The following UFL1 variants were observed in gnomAD, a reference collection of about 807,000 sequenced individuals.
UFL1 encodes E3 UFM1-protein ligase 1.
Under a neutral mutation model 99.3 loss-of-function variants are expected in UFL1, and 78 were observed. That is an observed-to-expected ratio of 0.79 (90% CI 0.65 to 0.95). UFL1 has a LOEUF of 0.95. Among genes scored for constraint, UFL1 ranks in the 40% least tolerant of loss-of-function variants. UFL1 has a pLI of 0.00. For synonymous variants in UFL1, 335 were observed against 322.2 expected (o/e 1.04, Z -0.42); for missense variants, 936 against 937.0 (o/e 1.00, Z 0.01).
chr6:96,552,052 GC>G, intron 17 of UFL1, 129 bp downstream of exon 17: 1 of 589,782 alleles, frequency 1.7e-6, no homozygotes, highest in Non-Finnish European at 3.0e-6. Context: ...TATCTAAATG[GC>G]TGTAGACCTT....
In UFL1 at chr6:96,551,939, TC is replaced by T; in HGVS notation, c.1985+17del. 1 of 1,550,974 alleles carries T rather than the reference TC, an allele frequency of 6.4e-7. No individual in the cohort carries two copies. The highest frequency in any genetic ancestry group is 8.8e-7 in the Non-Finnish European group (1 of 1,130,514). ...AAAGGGAAAGGTAACATTAAATTAA[TC>T]TATATTTGGAAATGTTCTTAAATGT... On this transcript the variant is annotated intron_variant, in intron 17 of 18. Coordinates refer to ENST00000369278, the MANE Select transcript of UFL1 (RefSeq NM_015323.5).
rs1770051794 is a variant in UFL1 at position 96,549,766 on chromosome 6, G to C, written c.1785G>C (p.Met595Ile). ...ACTTCTTAGCTTCGGATTTAATGAT[G>C]GCAGTAGACGATCCTGCAGCCATTA... Reference protein sequence around the residue: ...IFNFLASDLMMAVDDPAAITS... With the variant: ...IFNFLASDLMIAVDDPAAITS... Residue 595 changes from methionine (M) to isoleucine (I), a missense_variant, in exon 15 of 19, where the codon ATG (methionine) becomes ATC (isoleucine). Transcript: ENST00000369278. The C allele has an allele frequency of 1.9e-6, 3 of 1,611,932 alleles. No homozygotes were observed. In the African/African-American group the frequency reaches 4.0e-5, roughly 22 times the overall value.
At chr6:96,544,362 C>T (rs1769972175) in intron 12 of UFL1, among the ~76,000 whole-genome samples, 2 of 150,250 alleles carry the variant, frequency 1.3e-5, no homozygotes, top group African/African-American at 2.4e-5. Flanking sequence ...CTTAATGAAA[C>T]CATGATACTG....
chr6:96,528,454 G>A, intron 5 of UFL1, 48 bp from the exon 6 acceptor site: 1 of 1,593,778 alleles, frequency 6.3e-7, no homozygotes, highest in South Asian at 1.1e-5. Flanking sequence ...ATGCATATGT[G>A]TAATTCTTTT....
chr6:96,534,413 T>A, intron 7 of UFL1, 92 bp downstream of exon 7: 1 of 997,654 alleles, frequency 1.0e-6, no homozygotes, highest in Non-Finnish European at 1.4e-6. Context: ...TCCTCTTTTA[T>A]TGTTAATGTA....
chr6:96,541,448 T>G (rs930817990), intron 11 of UFL1, among the ~76,000 whole-genome samples: 14 of 151,400 alleles, frequency 9.2e-5, no homozygotes, highest in Admixed American at 6.6e-4. Flanking sequence ...GTAGGAACAG[T>G]GCTGTTAGTG....
At chr6:96,531,743 T>A (rs907543425) in intron 6 of UFL1, among the ~76,000 whole-genome samples, 4 of 152,258 alleles carry the variant, frequency 2.6e-5, no homozygotes, top group African/African-American at 9.6e-5. Context: ...TTTCTTTGAC[T>A]AATTATTGTG....
chr6:96,540,260 T>C (rs1339447734), intron 10 of UFL1, among the ~76,000 whole-genome samples: 2 of 151,528 alleles, frequency 1.3e-5, no homozygotes, highest in African/African-American at 4.8e-5. Flanking sequence ...CTGGAGAGGA[T>C]TGCATCTGAT....
intron 1 of UFL1, among the ~76,000 whole-genome samples, chr6:96,522,166 C>A (rs1769623824): frequency 1.3e-5 from 2 of 152,196 alleles, no homozygotes. Flanking sequence ...GCCCCCCAGC[C>A]CAGCTGCAGC....
At chr6:96,538,552 A>C in intron 9 of UFL1, 79 bp from the exon 10 acceptor site, 1 of 1,314,642 alleles carries the variant, frequency 7.6e-7, no homozygotes, top group Non-Finnish European at 1.0e-6. Context: ...ATCTAGAGAG[A>C]GCATATATGT....
At chr6:96,540,511 C>A in intron 10 of UFL1, 24 bp from the exon 11 acceptor site, 1 of 1,581,336 alleles carries the variant, frequency 6.3e-7, no homozygotes, top group South Asian at 1.2e-5. Context: ...TTTTTCCTAC[C>A]AAAAAAAGCA....
At chr6:96,545,465 AT>A (rs528757252) in intron 12 of UFL1, among the ~76,000 whole-genome samples, 28 of 150,178 alleles carry the variant, frequency 1.9e-4, no homozygotes, top group South Asian at 8.3e-4. Flanking sequence ...GAATTCTGAG[AT>A]TTTTTTTTAA....
intron 6 of UFL1, among the ~76,000 whole-genome samples, chr6:96,531,074 G>A (rs1210393287): frequency 6.6e-6 from 1 of 152,202 alleles, no homozygotes; most frequent in Non-Finnish European, 1.5e-5. Context: ...GCACATGCAA[G>A]GGATGTTGGT....
chr6:96,537,994 G>A (rs544243978), intron 9 of UFL1, among the ~76,000 whole-genome samples: 1 of 151,838 alleles, frequency 6.6e-6, no homozygotes, highest in Non-Finnish European at 1.5e-5. Flanking sequence ...AAAAAGATAA[G>A]TGTAGATAAA....
chr6:96,550,494 A>G (rs1271893328), intron 15 of UFL1, among the ~76,000 whole-genome samples: 2 of 152,010 alleles, frequency 1.3e-5, no homozygotes, highest in African/African-American at 4.8e-5. Flanking sequence ...AGGTCAAACC[A>G]AATCAGTCTG....
At chr6:96,552,751 G>A (rs1253441851) in intron 18 of UFL1, 89 bp downstream of exon 18, 5 of 1,206,728 alleles carry the variant, frequency 4.1e-6, no homozygotes, top group Non-Finnish European at 4.5e-6. Context: ...TCAGCACTCA[G>A]GTATAAAATA....
intron 6 of UFL1, 50 bp from the exon 7 acceptor site, chr6:96,534,213 A>G (rs369970768): frequency 2.7e-5 from 33 of 1,212,580 alleles, no homozygotes; most frequent in African/African-American, 6.4e-5. Context: ...TCATTAATCT[A>G]TAACACTATA....
At chr6:96,540,395 A>T in intron 10 of UFL1, 140 bp from the exon 11 acceptor site, 1 of 1,107,654 alleles carries the variant, frequency 9.0e-7, no homozygotes, top group Non-Finnish European at 1.2e-6. Flanking sequence ...CATTTGCCTT[A>T]GAGTGACAGC....
rs145509295 is a variant in UFL1, at chr6:96,543,261, C to G, written c.1402+245C>G. Among the ~76,000 whole-genome samples, 604 of 151,234 alleles carry G rather than the reference C, an allele frequency of 4.0e-3. 2 individuals are homozygous for G. Among genetic ancestry groups the G allele is most frequent in the African/African-American group, 0.011 (469 of 41,428 alleles). ...TAACTGAGTATAGTATAAAGTAGCT[C>G]TTCAGTCCACAAATCAGTACATAAA... On this transcript the variant is annotated intron_variant, in intron 12 of 18. Transcript: ENST00000369278.
Sources: allele counts gnomAD v4.1 joint callset (sites outside exome capture counted in the v4.1 genomes callset), GRCh38; gene constraint gnomAD v4.1.1; transcripts MANE v1.5; gene names NCBI Gene and HGNC (gene_info 2026-07-23, HGNC 2026-07-21).